MGST1: variants seen among roughly 807,000 people sequenced by gnomAD.
MGST1 encodes the protein glutathione S-transferase 12.
MGST1 carries 5 observed loss-of-function variants against 8.9 expected under a neutral mutation model. That is an observed-to-expected ratio of 0.56 (90% CI 0.29 to 1.19). The LOEUF is 1.19. MGST1 is among the 50% of genes most tolerant of loss of function. MGST1 has a pLI of 0.08. For missense variants in MGST1, 182 were observed against 187.4 expected (o/e 0.97, Z 0.17); for synonymous variants, 54 against 67.8 (o/e 0.80, Z 1.00).
intron 4 of MGST1, among the ~76,000 whole-genome samples, chr12:16,495,840 A>G (rs1236243547): frequency 6.6e-6 from 1 of 152,076 alleles, no homozygotes; most frequent in Non-Finnish European, 1.5e-5. Context: ...CTCCCTGAAT[A>G]CTGAATTGAT....
rs183499665 is a variant in MGST1 at position 16,474,778 on chromosome 12, C to T, written n.482+91174C>T. On this transcript the variant is annotated intron_variant and non_coding_transcript_variant, in intron 4 of 4. Coordinates refer to the MGST1 transcript ENST00000538857. Reference sequence around the variant, plus strand: ...AATAAAATCCAAATTCAGAGAAGACCTGCGTTTGATTCAGAAGCTAGTGTG... The same window carrying T: ...AATAAAATCCAAATTCAGAGAAGACTTGCGTTTGATTCAGAAGCTAGTGTG... Among the ~76,000 whole-genome samples the T allele has an allele frequency of 8.0e-4, 122 of 152,194 alleles. 2 individuals are homozygous for T. The highest frequency in any genetic ancestry group is 1.2e-3 in the Admixed American group (19 of 15,288).
chr12:16,523,020 T>A (rs375037005), intron 4 of MGST1, among the ~76,000 whole-genome samples: 1 of 150,046 alleles, frequency 6.7e-6, no homozygotes, highest in South Asian at 2.1e-4. Context: ...GAAGTGGGCT[T>A]TTTTTTTTAG....
chr12:16,357,968 G>T (rs1226711310), intron 3 of MGST1, among the ~76,000 whole-genome samples: 1 of 152,206 alleles, frequency 6.6e-6, no homozygotes, highest in Non-Finnish European at 1.5e-5. Context: ...ATGGCAGGGA[G>T]GAGGTAAAAT....
Position 16,413,825 on chromosome 12 carries a change from T to C in MGST1, n.779-23563T>C, listed in dbSNP as rs1171571066. On this transcript the variant is annotated intron_variant and non_coding_transcript_variant, in intron 1 of 1. Coordinates refer to the MGST1 transcript ENST00000359720. This position sits in a 1 kb window ranked among gnomAD's most constrained non-coding sequence, Gnocchi z 4.0. ...ATTTAATCTTGGCATCTCCAGCATA[T>C]AATTTCTGACACATTGAAGACTCTT... 6.6e-6 allele frequency among the ~76,000 whole-genome samples: 1 copy of C among 152,208 alleles called. No homozygotes were observed. The highest frequency in any genetic ancestry group is 6.5e-5 in the Admixed American group (1 of 15,274).
At chr12:16,473,244 C>G (rs958374781) in intron 4 of MGST1, among the ~76,000 whole-genome samples, 5 of 152,178 alleles carry the variant, frequency 3.3e-5, no homozygotes, top group Admixed American at 1.3e-4. Context: ...CTATTGTCAA[C>G]ACTGTGGGGT....
chr12:16,579,723 C>T lies in MGST1; in HGVS notation n.483-9805C>T, dbSNP rs376474904. 2.0e-4 allele frequency among the ~76,000 whole-genome samples: 31 copies of T among 152,270 alleles called. No individual in the cohort carries two copies. In the South Asian group the frequency reaches 5.8e-3, roughly 29 times the overall value. On this transcript the variant is annotated intron_variant and non_coding_transcript_variant, in intron 4 of 4. Coordinates refer to the MGST1 transcript ENST00000538857. ...CAGTAAGAATTCAGAAAATTTTTATCTTGTTTTTCCAGTAGAAATAGCATT... is the reference window on the plus strand; with the variant it reads ...CAGTAAGAATTCAGAAAATTTTTATTTTGTTTTTCCAGTAGAAATAGCATT...
chr12:16,514,750 G>A (rs1048515869), intron 4 of MGST1, among the ~76,000 whole-genome samples: 3 of 152,172 alleles, frequency 2.0e-5, no homozygotes, highest in Non-Finnish European at 4.4e-5. Context: ...GATGAGAGAG[G>A]GTGGATGGTA....
rs1357697041 is a variant in MGST1 at position 16,513,618 on chromosome 12, C to A, written n.483-75910C>A. 8.1e-6 allele frequency: 4 copies of A among 494,594 alleles called. No individual in the cohort carries two copies. The highest frequency in any genetic ancestry group is 6.9e-5 in the Admixed American group (3 of 43,408). The allele number at this position is 494,594 out of a possible 1,614,324, so 30.6% of individuals were successfully genotyped here. ...GGGACCACAACGGAAAGCCTTACAG[C>A]ATCCACAAGGCAGAGGCCCAGATTG... is the stretch of plus-strand genomic sequence containing the variant. On this transcript the variant is annotated intron_variant and non_coding_transcript_variant, in intron 4 of 4. Coordinates refer to the MGST1 transcript ENST00000538857. The surrounding 1 kb of genome is among the most constrained non-coding windows in gnomAD (Gnocchi z 4.2).
rs1364623472 is a variant in MGST1, at chr12:16,362,273, G to C, written c.222-1522G>C. 6.6e-6 allele frequency among the ~76,000 whole-genome samples: 1 copy of C among 152,132 alleles called. No individual in the cohort carries two copies. The highest frequency in any genetic ancestry group is 1.5e-5 in the Non-Finnish European group (1 of 68,030). ...AGTACTTGTATTGCTCCATGAAAGA[G>C]AGGGCACAGGAACACTCACACCATC... On this transcript the variant is annotated intron_variant, in intron 3 of 3. Coordinates refer to ENST00000396210, the MANE Select transcript of MGST1 (RefSeq NM_020300.5). The surrounding 1 kb of genome is among the most constrained non-coding windows in gnomAD (Gnocchi z 4.4).
chr12:16,400,772 A>G (rs1940648152), intron 1 of MGST1: 1 of 1,262,736 alleles, frequency 7.9e-7, no homozygotes, highest in Non-Finnish European at 1.2e-6. Flanking sequence ...GATTGTGGCA[A>G]TGTGAAAAGG....
At chr12:16,431,775 A>G (rs532876620) in intron 1 of MGST1, among the ~76,000 whole-genome samples, 9 of 152,304 alleles carry the variant, frequency 5.9e-5, no homozygotes, top group African/African-American at 2.2e-4. Flanking sequence ...AATTATGTTG[A>G]TAGACTTTTT....
At chr12:16,566,869 G>A (rs372911125) in intron 4 of MGST1, among the ~76,000 whole-genome samples, 1 of 152,170 alleles carries the variant, frequency 6.6e-6, no homozygotes, top group African/African-American at 2.4e-5. Context: ...AAGAGAAGAA[G>A]AATTAAGTTA....
chr12:16,556,652 C>T (rs903113959), intron 4 of MGST1, among the ~76,000 whole-genome samples: 12 of 152,232 alleles, frequency 7.9e-5, no homozygotes, highest in African/African-American at 2.9e-4. Context: ...TGCAATATTG[C>T]GACAATGATT....
chr12:16,581,088 A>G (rs1417823427), intron 4 of MGST1, among the ~76,000 whole-genome samples: 1 of 152,236 alleles, frequency 6.6e-6, no homozygotes, highest in Non-Finnish European at 1.5e-5. Flanking sequence ...CAAGAAAACC[A>G]TTGGTTATCT....
intron 3 of MGST1, among the ~76,000 whole-genome samples, chr12:16,373,619 C>G (rs1434701563): frequency 2.0e-5 from 3 of 151,870 alleles, no homozygotes; most frequent in Admixed American, 2.0e-4. Context: ...CAAAGTTTGT[C>G]AACTCCTGAT....
At chr12:16,549,758 GC>G (rs1345537012) in intron 4 of MGST1, 10 of 152,054 alleles carry the variant, frequency 6.6e-5, no homozygotes, top group African/African-American at 2.4e-4. Context: ...AAGCAAAGAA[GC>G]AAGTTTGTGG....
chr12:16,561,551 GAAAACTCATTTTGGTTAT>G (rs1187951922), intron 4 of MGST1, among the ~76,000 whole-genome samples: 2 of 152,166 alleles, frequency 1.3e-5, no homozygotes, highest in African/African-American at 4.8e-5. Context: ...GTGCTATAGA[GAAAACTCATTTTGGTTAT>G]AAAAATGTAC....
chr12:16,374,359 G>A (rs1940346987), intron 3 of MGST1, among the ~76,000 whole-genome samples: 4 of 151,778 alleles, frequency 2.6e-5, no homozygotes, highest in Non-Finnish European at 5.9e-5. Flanking sequence ...TTCTTTGATG[G>A]ATTTAAATTT....
chr12:16,470,074 T>C (rs1941282185), intron 4 of MGST1, among the ~76,000 whole-genome samples: 1 of 152,234 alleles, frequency 6.6e-6, no homozygotes, highest in African/African-American at 2.4e-5. Flanking sequence ...TGTCTATGAC[T>C]AATAATTGGA....
Sources: gnomAD v4.1 joint callset for allele counts (sites outside exome capture counted in the v4.1 genomes callset) on GRCh38, gnomAD v4.1.1 for gene constraint, Gnocchi (gnomAD v3.1) non-coding constraint, MANE v1.5 for transcripts, NCBI Gene and HGNC (gene_info 2026-07-23, HGNC 2026-07-21) for gene names.